Variants in MED17 observed in about 807,000 individuals in gnomAD.
MED17 encodes the protein mediator complex subunit 17.
MED17 carries 49 observed loss-of-function variants against 80.8 expected under a neutral mutation model. That is an observed-to-expected ratio of 0.61 (90% CI 0.48 to 0.77). MED17 has a LOEUF of 0.77. MED17 is among the 30% of genes least tolerant of loss of function. The pLI, the probability that MED17 is intolerant of heterozygous loss-of-function variation, is 0.00. For synonymous variants in MED17, 281 were observed against 280.4 expected (o/e 1.00, Z -0.02); for missense variants, 718 against 787.0 (o/e 0.91, Z 1.05).
intron 10 of MED17, 22 bp from the exon 11 acceptor site, chr11:93,809,695 A>C (rs760680827): frequency 3.1e-6 from 5 of 1,614,032 alleles, no homozygotes; most frequent in Non-Finnish European, 4.2e-6. Flanking sequence ...ACTGTCAGTC[A>C]AGTGTCCTTT....
intron 3 of MED17, among the ~76,000 whole-genome samples, chr11:93,793,011 G>T (rs1357964526): frequency 1.3e-5 from 2 of 151,308 alleles, no homozygotes; most frequent in Admixed American, 6.6e-5. Flanking sequence ...ACTATCCTCT[G>T]TCTTTCTGTT....
At chr11:93,798,639 G>A (rs1943930207) in intron 8 of MED17, among the ~76,000 whole-genome samples, 1 of 152,226 alleles carries the variant, frequency 6.6e-6, no homozygotes, top group Non-Finnish European at 1.5e-5. Flanking sequence ...GGTGAAAGGT[G>A]TGTAAGCCAA....
intron 1 of MED17, 52 bp downstream of exon 1, chr11:93,784,815 C>A: frequency 6.5e-7 from 1 of 1,529,838 alleles, no homozygotes; most frequent in Non-Finnish European, 8.7e-7. Context: ...CCAGCACCCG[C>A]GCGGGCCTCC....
At chr11:93,799,636 TGTG>T (rs1258941944) in intron 8 of MED17, among the ~76,000 whole-genome samples, 18 of 152,164 alleles carry the variant, frequency 1.2e-4, no homozygotes, top group African/African-American at 4.3e-4. Context: ...ATTAGCCAGA[TGTG>T]GTGGTGTGCA....
chr11:93,784,924 G>T, intron 1 of MED17, 161 bp downstream of exon 1: 1 of 1,074,198 alleles, frequency 9.3e-7, no homozygotes, highest in Non-Finnish European at 1.3e-6. Context: ...TTTTGTTGCT[G>T]CCGGACAAGG....
intron 11 of MED17, chr11:93,810,498 G>A (rs986796723): frequency 2.0e-5 from 3 of 153,560 alleles, no homozygotes; most frequent in African/African-American, 7.2e-5. Flanking sequence ...GAGTAGCTGG[G>A]ACTACAGGTG....
intron 9 of MED17, chr11:93,806,464 T>C (rs930680919): frequency 7.2e-5 from 11 of 152,194 alleles, no homozygotes; most frequent in Admixed American, 2.6e-4. Flanking sequence ...TGCTGAAATT[T>C]TAGAAGTTGC....
chr11:93,791,701 C>T (rs897494311), intron 3 of MED17, among the ~76,000 whole-genome samples: 8 of 151,188 alleles, frequency 5.3e-5, no homozygotes, highest in Non-Finnish European at 1.2e-4. Context: ...CAAAAAAAAC[C>T]CCAAAAAAAA....
At chr11:93,794,236 C>CT (rs1943876561) in intron 5 of MED17, 1 of 401,736 alleles carries the variant, frequency 2.5e-6, no homozygotes, top group East Asian at 4.5e-5. Context: ...CCAAGTTTCT[C>CT]TCTTGTTGCC....
intron 2 of MED17, chr11:93,790,363 C>T (rs1458451512): frequency 1.2e-5 from 7 of 597,024 alleles, no homozygotes; most frequent in South Asian, 9.7e-5. Flanking sequence ...GAGTAGAGGC[C>T]ATTGTAGTGT....
intron 9 of MED17, among the ~76,000 whole-genome samples, chr11:93,805,324 A>C (rs1341504044): frequency 6.6e-6 from 1 of 152,216 alleles, no homozygotes; most frequent in African/African-American, 2.4e-5. Context: ...GGCTGGGCAC[A>C]GTGGCTCATG....
chr11:93,795,430 A>G (rs548598762), intron 6 of MED17: 2 of 275,182 alleles, frequency 7.3e-6, no homozygotes, highest in East Asian at 9.5e-5. Flanking sequence ...AAAAATGTTT[A>G]CTCTTAACGC....
chr11:93,803,244 A>G (rs983299990), intron 9 of MED17, among the ~76,000 whole-genome samples: 1 of 152,234 alleles, frequency 6.6e-6, no homozygotes, highest in Non-Finnish European at 1.5e-5. Context: ...AAATACATTT[A>G]TAATGCTATT....
At position 93,787,809 on chromosome 11, in the gene MED17, C is replaced by T. The variant is rs574244281; in HGVS notation, c.251-192C>T. On this transcript the variant is annotated intron_variant, in intron 1 of 11. Transcript: ENST00000251871. ...GGAAATAGATGTCATATTCATTTTG[C>T]GATTGTAGGAATGCTAATGTGAATG... Among the ~76,000 whole-genome samples, 348 of 152,112 alleles carry T rather than the reference C, an allele frequency of 2.3e-3. 1 individual carries two copies. The highest frequency in any genetic ancestry group is 4.1e-3 in the Non-Finnish European group (276 of 67,980).
rs200317687 is a variant in MED17 at position 93,784,716 on chromosome 11, A to C, written c.203A>C (p.Gln68Pro). Reference sequence around the variant, plus strand: ...GCGGCGGGGACCGAGGGCGACGCGCAGGAGTGGCCGGGCGCCGGGTCCAGC... The same window carrying C: ...GCGGCGGGGACCGAGGGCGACGCGCCGGAGTGGCCGGGCGCCGGGTCCAGC... ...EEAAGTEGDA[Q>P]EWPGAGSSAD... Residue 68 changes from glutamine to proline, a missense_variant, in exon 1 of 12, where the codon CAG (glutamine) becomes CCG (proline). Gln to Pro is a moderately conservative substitution (Grantham distance 76). Transcript: ENST00000251871. 1.3e-4 allele frequency: 203 copies of C among 1,547,668 alleles called. 2 individuals carry two copies. In the East Asian group the frequency reaches 2.9e-3, roughly 22 times the overall value.
chr11:93,784,771 C>CT lies in MED17; in HGVS notation c.250+9dup, dbSNP rs1265770778. The CT allele has an allele frequency of 6.5e-7, 1 of 1,536,108 alleles. No individual in the cohort carries two copies. Among genetic ancestry groups the CT allele is most frequent in the Non-Finnish European group, 8.7e-7 (1 of 1,147,268 alleles). On this transcript the variant is annotated intron_variant, in intron 1 of 11. Coordinates refer to ENST00000251871, the MANE Select transcript of MED17 (RefSeq NM_004268.5). ...ACCAGGACGACGAGGAAGGTAAGGC[C>CT]TGCATCCGCTGCCCGAGTCCCCCGG... is the stretch of plus-strand genomic sequence containing the variant.
At chr11:93,784,876 C>T (rs763971308) in intron 1 of MED17, 113 bp downstream of exon 1, 276 of 1,408,194 alleles carry the variant, frequency 2.0e-4, no homozygotes, top group Non-Finnish European at 2.6e-4. Context: ...TTTTGAGTGT[C>T]CCTCTAGCGG....
rs184914659 is a variant in MED17 at position 93,784,737 on chromosome 11, C to T, written c.224C>T (p.Ser75Phe). The T allele has an allele frequency of 1.3e-6, 2 of 1,542,160 alleles. No homozygotes were observed. Among genetic ancestry groups the T allele is most frequent in the South Asian group, 1.2e-5 (1 of 84,246 alleles). Residue 75 changes from serine (S) to phenylalanine (F), a missense_variant, in exon 1 of 12, where the codon TCC becomes TTC. By Grantham distance (155) the Ser-to-Phe change is radical. Coordinates refer to ENST00000251871, the MANE Select transcript of MED17 (RefSeq NM_004268.5). ...GDAQEWPGAG[S>F]SADQDDEEGV... ...GCGCAGGAGTGGCCGGGCGCCGGGT[C>T]CAGCGCAGACCAGGACGACGAGGAA...
rs1196379823 is a variant in MED17, at chr11:93,786,784, A to G, written c.251-1217A>G. Among the ~76,000 whole-genome samples the G allele has an allele frequency of 3.3e-5, 5 of 152,212 alleles. 1 individual carries two copies. The highest frequency in any genetic ancestry group is 2.0e-4 in the Admixed American group (3 of 15,284). Reference sequence around the variant, plus strand: ...GCACCCAGCCGAAACTTTTAAATGTATATCTCCTTTGATTCACTATTACCA... The same window carrying G: ...GCACCCAGCCGAAACTTTTAAATGTGTATCTCCTTTGATTCACTATTACCA... On this transcript the variant is annotated intron_variant, in intron 1 of 11. Coordinates refer to ENST00000251871, the MANE Select transcript of MED17 (RefSeq NM_004268.5).
Sources: allele counts gnomAD v4.1 joint callset (sites outside exome capture counted in the v4.1 genomes callset), GRCh38; gene constraint gnomAD v4.1.1; transcripts MANE v1.5; gene names NCBI Gene and HGNC (gene_info 2026-07-23, HGNC 2026-07-21).